The following EPHA7 variants were observed in gnomAD, a reference collection of about 807,000 sequenced individuals.
EPHA7 encodes ephrin type-A receptor 7.
Under a neutral mutation model 112.6 loss-of-function variants are expected in EPHA7, and 25 were observed. The ratio of observed to expected loss-of-function variants is 0.22; its 90% CI spans 0.16 to 0.31. The LOEUF (loss-of-function observed/expected upper bound fraction) is 0.31, where lower values mean the gene tolerates loss of function less well. EPHA7 is among the 10% of genes least tolerant of loss of function. EPHA7 has a pLI of 1.00. For missense variants in EPHA7, 962 were observed against 1,212.6 expected, an observed-to-expected ratio of 0.79 and a Z score of 3.07; for synonymous variants, 437 against 406.5, an observed-to-expected ratio of 1.07 and a Z score of -0.90.
intron 5 of EPHA7, among the ~76,000 whole-genome samples, chr6:93,312,466 C>T (rs180851340): frequency 6.6e-6 from 1 of 152,148 alleles, no homozygotes; most frequent in African/African-American, 2.4e-5. Flanking sequence ...TCTGAGATTC[C>T]TCATCTCTCT....
At position 93,257,210 on chromosome 6, in the gene EPHA7, G is replaced by A. The variant is rs193236658; in HGVS notation, c.2172+252C>T. The stretch of plus-strand genomic sequence containing the variant: ...ACATGAATTCAAATTACAGGGCTTC[G>A]GGCATCCTCCATACCTCAGGTAATA... On this transcript the variant is annotated intron_variant, in intron 12 of 16. Coordinates refer to ENST00000369303, the MANE Select transcript of EPHA7 (RefSeq NM_004440.4). 7.9e-5 allele frequency among the ~76,000 whole-genome samples: 12 copies of A among 151,936 alleles called. No individual in the cohort carries two copies. The East Asian group carries it at 1.2e-3, about 15-fold the overall frequency.
chr6:93,266,408 G>C (rs1310840936), intron 7 of EPHA7, among the ~76,000 whole-genome samples: 2 of 151,612 alleles, frequency 1.3e-5, no homozygotes, highest in Non-Finnish European at 3.0e-5. Flanking sequence ...TCAGGTGAAT[G>C]ATGAATCAGA....
rs1770811855 is a variant in EPHA7 at position 93,263,991 on chromosome 6, T to C, written c.1743-76A>G. On this transcript the variant is annotated intron_variant, in intron 8 of 16. Transcript: ENST00000369303. ...TAATATTCAGTACAATGTACCTTAG[T>C]TACTCAACAACTTACTAGAGTTAAA... is the stretch of plus-strand genomic sequence containing the variant. 5 of 1,083,106 alleles carry C rather than the reference T, an allele frequency of 4.6e-6. No homozygotes were observed. The South Asian group carries it at 6.0e-5, about 13-fold the overall frequency. 67.1% of individuals were successfully genotyped at this position (1,083,106 alleles called of 1,614,324 possible).
In EPHA7 at chr6:93,258,182, C is replaced by T. The variant is rs373761211; in HGVS notation, c.2027G>A (p.Arg676Lys). Residue 676 changes from arginine (R) to lysine (K), a missense_variant, in exon 11 of 17, where the codon AGG (arginine) becomes AAG (lysine). Coordinates refer to ENST00000369303, the MANE Select transcript of EPHA7 (RefSeq NM_004440.4). ...TLKVGYTEKQ[R>K]RDFLCEASIM... ...GCTTGCTTCACACAAAAAGTCTCTC[C>T]TTTGTTTTTCTGTGTAACCAACTTT... 40 of 1,613,326 alleles carry T rather than the reference C, an allele frequency of 2.5e-5. No homozygotes were observed. The highest frequency in any genetic ancestry group is 1.5e-5 in the Non-Finnish European group (18 of 1,179,644).
At position 93,258,145 on chromosome 6, in the gene EPHA7, C is replaced by T. The variant is rs1770522757; in HGVS notation, c.2064G>A (p.Gln688=). Reference sequence around the variant, plus strand: ...AATGGACAACATTCGGGTGGTCAAACTGCCCCATGATGCTTGCTTCACACA... The same window carrying T: ...AATGGACAACATTCGGGTGGTCAAATTGCCCCATGATGCTTGCTTCACACA... ...DFLCEASIMG[Q]FDHPNVVHLE... is the part of the protein sequence containing the mutation. The change falls in exon 11 of 17, where the codon CAG becomes CAA. Residue 688 remains glutamine (Q), a synonymous_variant. Coordinates refer to ENST00000369303, the MANE Select transcript of EPHA7 (RefSeq NM_004440.4). 1 of 1,613,278 alleles carries T rather than the reference C, an allele frequency of 6.2e-7. No homozygotes were observed. Among genetic ancestry groups the T allele is most frequent in the South Asian group, 1.1e-5 (1 of 91,000 alleles).
At chr6:93,330,112 A>G (rs985278364) in intron 5 of EPHA7, among the ~76,000 whole-genome samples, 2 of 151,352 alleles carry the variant, frequency 1.3e-5, no homozygotes, top group African/African-American at 4.8e-5. Flanking sequence ...ATTGTTTTCA[A>G]ACAGTACACA....
In EPHA7 at chr6:93,329,011, A is replaced by G. The variant is rs1169121393; in HGVS notation, c.1324+27706T>C. On this transcript the variant is annotated intron_variant, in intron 5 of 16. Transcript: ENST00000369303. ...TTATAAAAATCCATATTCATCTGTT[A>G]ATATTAAAAATAACTTTAACAATAA... Among the ~76,000 whole-genome samples the G allele has an allele frequency of 2.6e-5, 4 of 151,540 alleles. No homozygotes were observed. In the Admixed American group the frequency reaches 2.6e-4, roughly 10 times the overall value.
intron 3 of EPHA7, among the ~76,000 whole-genome samples, chr6:93,387,428 C>T (rs574442023): frequency 6.6e-6 from 1 of 152,222 alleles, no homozygotes; most frequent in South Asian, 2.1e-4. Context: ...CCAACTTTCC[C>T]ACATCTTCCT....
intron 4 of EPHA7, 24 bp from the exon 5 acceptor site, chr6:93,357,076 G>C: frequency 6.6e-7 from 1 of 1,526,030 alleles, no homozygotes. Flanking sequence ...GAATAAATAA[G>C]TAAATAAGCA....
intron 4 of EPHA7, among the ~76,000 whole-genome samples, chr6:93,357,335 C>G (rs1776000172): frequency 1.3e-5 from 2 of 152,098 alleles, no homozygotes; most frequent in Non-Finnish European, 2.9e-5. Context: ...TTGCCACAGT[C>G]TTTAACTATT....
intron 3 of EPHA7, among the ~76,000 whole-genome samples, chr6:93,392,787 T>C (rs1270344205): frequency 1.3e-5 from 2 of 151,910 alleles, no homozygotes; most frequent in Non-Finnish European, 2.9e-5. Context: ...AAACACCATT[T>C]ATTATTTAAA....
At chr6:93,319,332 C>A (rs995987927) in intron 5 of EPHA7, among the ~76,000 whole-genome samples, 14 of 151,866 alleles carry the variant, frequency 9.2e-5, no homozygotes, top group Non-Finnish European at 1.8e-4. Flanking sequence ...AGTTTGGTAG[C>A]CAAACAGATA....
intron 14 of EPHA7, among the ~76,000 whole-genome samples, chr6:93,254,333 T>C (rs1582395228): frequency 1.3e-5 from 2 of 152,230 alleles, no homozygotes; most frequent in South Asian, 4.1e-4. Flanking sequence ...CTTTTACTCA[T>C]GTGATGCTCC....
chr6:93,244,278 G>T (rs1203156111), intron 16 of EPHA7, among the ~76,000 whole-genome samples: 1 of 152,062 alleles, frequency 6.6e-6, no homozygotes, highest in East Asian at 1.9e-4. Flanking sequence ...GGTACAGATT[G>T]CTTTGGGGAC....
intron 3 of EPHA7, among the ~76,000 whole-genome samples, chr6:93,365,861 CGT>C (rs1164730851): frequency 6.6e-6 from 1 of 151,984 alleles, no homozygotes; most frequent in Non-Finnish European, 1.5e-5. Flanking sequence ...AGGCATTTTA[CGT>C]GTGTGTTTGT....
intron 5 of EPHA7, among the ~76,000 whole-genome samples, chr6:93,286,168 T>TACACACACACCCC (rs1426253630): frequency 8.6e-5 from 13 of 151,334 alleles, no homozygotes; most frequent in Non-Finnish European, 1.6e-4. Context: ...ACACACACCC[T>TACACACACACCCC]ACACACACAC....
At chr6:93,359,425 T>C (rs933880421) in intron 3 of EPHA7, among the ~76,000 whole-genome samples, 4 of 151,452 alleles carry the variant, frequency 2.6e-5, no homozygotes, top group Non-Finnish European at 5.9e-5. Flanking sequence ...TAAATAAACA[T>C]CTACTTAAAT....
At chr6:93,310,512 G>T (rs893612114) in intron 5 of EPHA7, among the ~76,000 whole-genome samples, 1 of 151,908 alleles carries the variant, frequency 6.6e-6, no homozygotes, top group African/African-American at 2.4e-5. Flanking sequence ...TAAAAATACA[G>T]AAGTTAGCCG....
intron 5 of EPHA7, among the ~76,000 whole-genome samples, chr6:93,287,007 T>C (rs1417233200): frequency 6.6e-6 from 1 of 152,232 alleles, no homozygotes; most frequent in African/African-American, 2.4e-5. Flanking sequence ...GAAATATTTA[T>C]TTGAAAAAGT....
Sources: allele counts gnomAD v4.1 joint callset (sites outside exome capture counted in the v4.1 genomes callset), GRCh38; gene constraint gnomAD v4.1.1; transcripts MANE v1.5; gene names NCBI Gene and HGNC (gene_info 2026-07-23, HGNC 2026-07-21).